Variants in GRIA4 observed in about 807,000 individuals in gnomAD.
GRIA4 encodes glutamate ionotropic receptor AMPA type subunit 4.
GRIA4 carries 34 observed loss-of-function variants against 104.0 expected under a neutral mutation model. The observed-to-expected ratio is 0.33, with a 90% CI of 0.25 to 0.44. GRIA4 has a LOEUF of 0.44. GRIA4 is among the 20% of genes least tolerant of loss of function. The pLI, the probability that GRIA4 is intolerant of heterozygous loss-of-function variation, is 1.00. For synonymous variants in GRIA4, 386 were observed against 381.9 expected, an observed-to-expected ratio of 1.01 and a Z score of -0.13; for missense variants, 750 against 1,096.5, an observed-to-expected ratio of 0.68 and a Z score of 4.46.
intron 3 of GRIA4, among the ~76,000 whole-genome samples, chr11:105,690,466 A>G (rs1953044360): frequency 1.3e-5 from 2 of 152,190 alleles, no homozygotes; most frequent in Non-Finnish European, 2.9e-5. Flanking sequence ...TCAGTCACTT[A>G]TATCCTAGTA....
chr11:105,666,030 C>A (rs1952154437), intron 3 of GRIA4, among the ~76,000 whole-genome samples: 1 of 151,950 alleles, frequency 6.6e-6, no homozygotes, highest in Admixed American at 6.6e-5. Flanking sequence ...TTCATCAAAA[C>A]CATGTGCCTT....
chr11:105,798,136 T>C (rs748976533), intron 4 of GRIA4, among the ~76,000 whole-genome samples: 1 of 151,946 alleles, frequency 6.6e-6, no homozygotes, highest in Non-Finnish European at 1.5e-5. Flanking sequence ...ACACTTCCTA[T>C]AGCCATGAAG....
intron 4 of GRIA4, among the ~76,000 whole-genome samples, chr11:105,778,857 C>T (rs1196553412): frequency 6.6e-6 from 1 of 151,458 alleles, no homozygotes; most frequent in Non-Finnish European, 1.5e-5. Context: ...CATATGTATA[C>T]ATGTGCCATG....
intron 3 of GRIA4, among the ~76,000 whole-genome samples, chr11:105,688,003 T>C (rs900887619): frequency 6.6e-6 from 1 of 152,312 alleles, no homozygotes; most frequent in East Asian, 1.9e-4. Context: ...CATGACTTCA[T>C]ATATAGACCT....
At chr11:105,797,508 C>T (rs1207268187) in intron 4 of GRIA4, among the ~76,000 whole-genome samples, 1 of 152,266 alleles carries the variant, frequency 6.6e-6, no homozygotes, top group Admixed American at 6.5e-5. Context: ...AAAATCTCAA[C>T]TCTCATGTGT....
intron 5 of GRIA4, among the ~76,000 whole-genome samples, chr11:105,878,050 T>C (rs768253120): frequency 7.2e-5 from 11 of 152,248 alleles, no homozygotes; most frequent in African/African-American, 2.4e-4. Flanking sequence ...CATGGATTTA[T>C]CTACCTTTTG....
At chr11:105,680,564 G>A (rs1045157307) in intron 3 of GRIA4, among the ~76,000 whole-genome samples, 2 of 152,108 alleles carry the variant, frequency 1.3e-5, no homozygotes, top group African/African-American at 2.4e-5. Context: ...TATTTGCTAC[G>A]AAGTGAGTTC....
intron 3 of GRIA4, among the ~76,000 whole-genome samples, chr11:105,739,822 A>G (rs61900325): frequency 0.027 from 4,041 of 152,270 alleles, 169 homozygotes; most frequent in Admixed American, 0.12. Flanking sequence ...TTTAACATCC[A>G]GAGGGCTAAT....
chr11:105,826,709 G>A (rs1476964144), intron 4 of GRIA4, among the ~76,000 whole-genome samples: 2 of 152,024 alleles, frequency 1.3e-5, no homozygotes, highest in Admixed American at 6.6e-5. Context: ...GAGGGTTTGC[G>A]ATTCTGGAAC....
intron 3 of GRIA4, among the ~76,000 whole-genome samples, chr11:105,719,456 A>G (rs1265730753): frequency 6.6e-6 from 1 of 152,128 alleles, no homozygotes; most frequent in Non-Finnish European, 1.5e-5. Flanking sequence ...GAAACAGGTC[A>G]TTGGAGAAAT....
rs757552390 is a variant in GRIA4 at position 105,926,855 on chromosome 11, C to T, written c.1962C>T (p.Pro654=). ...TGACGGTTGAGCGAATGGTCTCTCC[C>T]ATAGAAAGTGCAGAAGACCTGGCCA... ...AFLTVERMVS[P]IESAEDLAKQ... is the part of the protein sequence containing the mutation. The change falls in exon 13 of 17, where the codon CCC becomes CCT. Residue 654 remains proline, a synonymous_variant. Coordinates refer to ENST00000282499, the MANE Select transcript of GRIA4 (RefSeq NM_000829.4). 1.2e-6 allele frequency: 2 copies of T among 1,611,050 alleles called. No homozygotes were observed. Among genetic ancestry groups the T allele is most frequent in the South Asian group, 1.1e-5 (1 of 91,020 alleles).
intron 3 of GRIA4, among the ~76,000 whole-genome samples, chr11:105,723,340 T>C (rs536167042): frequency 1.4e-4 from 22 of 152,246 alleles, no homozygotes; most frequent in African/African-American, 4.8e-4. Flanking sequence ...TTTGAACCAA[T>C]ATCCTTAAAT....
chr11:105,723,862 T>C (rs1938005551), intron 3 of GRIA4, among the ~76,000 whole-genome samples: 1 of 151,948 alleles, frequency 6.6e-6, no homozygotes, highest in Non-Finnish European at 1.5e-5. Context: ...AAACAAATAA[T>C]GGACATTTTT....
At chr11:105,830,150 T>C (rs902193880) in intron 4 of GRIA4, among the ~76,000 whole-genome samples, 8 of 151,960 alleles carry the variant, frequency 5.3e-5, no homozygotes, top group African/African-American at 1.9e-4. Context: ...TTCTGTATGC[T>C]GAAAATTTCA....
intron 14 of GRIA4, among the ~76,000 whole-genome samples, chr11:105,948,413 G>C (rs1948370359): frequency 6.6e-6 from 1 of 151,954 alleles, no homozygotes; most frequent in Admixed American, 6.6e-5. Context: ...CATGTGGTGA[G>C]TTAAATACAT....
In GRIA4 at chr11:105,779,613, A is replaced by G. The variant is rs35586586; in HGVS notation, c.487+26393A>G. ...ACTAACCTGCACAATGTGCACATGTACCCTAAAACTTAAAAGTATAATAAA... is the reference window on the plus strand; with the variant it reads ...ACTAACCTGCACAATGTGCACATGTGCCCTAAAACTTAAAAGTATAATAAA... On this transcript the variant is annotated intron_variant, in intron 4 of 16. Transcript: ENST00000282499. Among the ~76,000 whole-genome samples, 5 of 152,100 alleles carry G rather than the reference A, an allele frequency of 3.3e-5. No individual in the cohort carries two copies. In the South Asian group the frequency reaches 6.2e-4, roughly 19 times the overall value.
At chr11:105,952,524 T>C (rs1948479753) in intron 14 of GRIA4, among the ~76,000 whole-genome samples, 1 of 152,148 alleles carries the variant, frequency 6.6e-6, no homozygotes, top group African/African-American at 2.4e-5. Flanking sequence ...GGAGATATCC[T>C]AACAAAAATC....
intron 3 of GRIA4, among the ~76,000 whole-genome samples, chr11:105,735,118 C>T (rs1938850722): frequency 1.3e-5 from 2 of 152,074 alleles, no homozygotes; most frequent in South Asian, 4.2e-4. Context: ...ATACACTGAG[C>T]TAACATATAG....
chr11:105,650,361 C>A (rs1951650466), intron 3 of GRIA4, among the ~76,000 whole-genome samples: 1 of 107,986 alleles, frequency 9.3e-6, no homozygotes. Flanking sequence ...TATTTCCATG[C>A]AGTGGGAATT....
Sources: gnomAD v4.1 joint callset for allele counts (sites outside exome capture counted in the v4.1 genomes callset) on GRCh38, gnomAD v4.1.1 for gene constraint, MANE v1.5 for transcripts, NCBI Gene and HGNC (gene_info 2026-07-23, HGNC 2026-07-21) for gene names.